Variants in PRUNE2 observed in about 807,000 individuals in gnomAD.
PRUNE2 encodes the protein protein prune homolog 2.
Under a neutral mutation model 252.0 loss-of-function variants are expected in PRUNE2, and 164 were observed. That is an observed-to-expected ratio of 0.65 (90% CI 0.57 to 0.74). PRUNE2 has a LOEUF of 0.74. Ranked by LOEUF, PRUNE2 falls within the 30% of genes least tolerant of loss-of-function variation. The probability of loss-of-function intolerance (pLI) is 0.00; values close to 1 mark genes in which losing one functional copy is unlikely to be tolerated. For synonymous variants in PRUNE2, 1,292 were observed against 1,350.2 expected, an observed-to-expected ratio of 0.96 and a Z score of 0.94; for missense variants, 3,495 against 3,711.0, an observed-to-expected ratio of 0.94 and a Z score of 1.51.
chr9:76,711,141 A>T lies in PRUNE2; in HGVS notation c.1133T>A (p.Leu378His). 1 of 1,613,822 alleles carries T rather than the reference A, an allele frequency of 6.2e-7. No individual in the cohort carries two copies. The highest frequency in any genetic ancestry group is 8.5e-7 in the Non-Finnish European group (1 of 1,179,798). The part of the protein sequence containing the change: ...STEAVAGSAP[L>H]SQGSSGIMEL... ...CATAATCCCAGAAGACCCCTGGGAG[A>T]GGGGGGCACTGCCTGCCACGGCTTC... is the stretch of plus-strand genomic sequence containing the variant. The change falls in exon 8 of 19, where the codon CTC becomes CAC. Residue 378 changes from leucine (L) to histidine (H), a missense_variant. Transcript: ENST00000376718.
intron 1 of PRUNE2, among the ~76,000 whole-genome samples, chr9:76,881,082 T>C (rs1053686878): frequency 7.9e-5 from 12 of 152,108 alleles, no homozygotes; most frequent in Non-Finnish European, 1.6e-4. Flanking sequence ...ATTTTTCTTC[T>C]TCAGCCTCCC....
intron 17 of PRUNE2, among the ~76,000 whole-genome samples, chr9:76,623,299 T>A (rs1833158392): frequency 9.9e-6 from 1 of 100,738 alleles, no homozygotes; most frequent in Non-Finnish European, 2.0e-5. Flanking sequence ...AATGACTGGA[T>A]TTTTTTTTTT....
intron 9 of PRUNE2, among the ~76,000 whole-genome samples, chr9:76,670,191 C>G (rs566088049): frequency 6.6e-6 from 1 of 152,200 alleles, no homozygotes; most frequent in East Asian, 1.9e-4. Context: ...TCAGTGGGTG[C>G]GCGCACCGTG....
chr9:76,879,449 T>C (rs1268039980), intron 1 of PRUNE2, among the ~76,000 whole-genome samples: 4 of 152,172 alleles, frequency 2.6e-5, no homozygotes, highest in East Asian at 1.9e-4. Context: ...CCACAGCAGA[T>C]ATAAAGCAAA....
intron 6 of PRUNE2, among the ~76,000 whole-genome samples, chr9:76,757,202 A>G (rs12006237): frequency 0.012 from 1,862 of 152,320 alleles, 34 homozygotes; most frequent in African/African-American, 0.042. Context: ...GGTTCCACCT[A>G]CAAACAAATG....
At chr9:76,766,567 C>T (rs889580992) in intron 6 of PRUNE2, among the ~76,000 whole-genome samples, 1 of 152,164 alleles carries the variant, frequency 6.6e-6, no homozygotes, top group African/African-American at 2.4e-5. Context: ...AGTGCCTCTC[C>T]CATCCACTTT....
At chr9:76,830,769 A>T (rs1479311608) in intron 4 of PRUNE2, among the ~76,000 whole-genome samples, 1 of 152,140 alleles carries the variant, frequency 6.6e-6, no homozygotes, top group Non-Finnish European at 1.5e-5. Flanking sequence ...AAAATTATGG[A>T]GAGAAAAAAT....
intron 9 of PRUNE2, among the ~76,000 whole-genome samples, chr9:76,700,985 A>G (rs1035539648): frequency 6.6e-6 from 1 of 152,214 alleles, no homozygotes; most frequent in Non-Finnish European, 1.5e-5. Flanking sequence ...TTACACTGCT[A>G]TCTACCTTTT....
intron 6 of PRUNE2, among the ~76,000 whole-genome samples, chr9:76,722,220 T>C (rs2047703890): frequency 7.0e-6 from 1 of 142,322 alleles, no homozygotes. Context: ...CACCACACCC[T>C]GCTATTTTTT....
intron 12 of PRUNE2, among the ~76,000 whole-genome samples, chr9:76,642,362 C>T (rs1842972910): frequency 6.6e-6 from 1 of 152,164 alleles, no homozygotes; most frequent in African/African-American, 2.4e-5. Context: ...ACATTGTGTG[C>T]AATAGCTCAT....
intron 4 of PRUNE2, among the ~76,000 whole-genome samples, chr9:76,843,659 A>G (rs1017201869): frequency 2.8e-4 from 43 of 152,126 alleles, no homozygotes; most frequent in African/African-American, 9.7e-4. Context: ...ATGTTACTAC[A>G]TAACTGGAAA....
At chr9:76,646,846 A>G (rs1845077455) in intron 11 of PRUNE2, among the ~76,000 whole-genome samples, 1 of 152,020 alleles carries the variant, frequency 6.6e-6, no homozygotes, top group Non-Finnish European at 1.5e-5. Context: ...GGGTGAACGT[A>G]GGGTTGTTTT....
chr9:76,853,904 T>C (rs943827819), intron 2 of PRUNE2, among the ~76,000 whole-genome samples, 200 bp downstream of exon 2: 1 of 152,196 alleles, frequency 6.6e-6, no homozygotes, highest in Non-Finnish European at 1.5e-5. Context: ...TGGTAAGAAA[T>C]AGCTAGAACA....
At chr9:76,735,405 T>C (rs193209027) in intron 6 of PRUNE2, among the ~76,000 whole-genome samples, 3 of 143,648 alleles carry the variant, frequency 2.1e-5, no homozygotes, top group African/African-American at 8.0e-5. Flanking sequence ...TTGAGGAAGA[T>C]AGTTTTCTTT....
Position 76,706,992 on chromosome 9 carries a change from T to C in PRUNE2, c.5282A>G (p.Gln1761Arg), listed in dbSNP as rs2046361209. Residue 1761 changes from glutamine (Q) to arginine (R), a missense_variant, in exon 8 of 19, where the codon CAA (glutamine) becomes CGA (arginine). Transcript: ENST00000376718. ...GAAAGTCCAGGGATCAGGGCTGCTTTGTTGATTGTCACAGAATGGGTTTGA... is the reference window on the plus strand; with the variant it reads ...GAAAGTCCAGGGATCAGGGCTGCTTCGTTGATTGTCACAGAATGGGTTTGA... ...NKSNPFCDNQ[Q>R]SSPDPWTFSP... is the part of the protein sequence containing the mutation. The C allele has an allele frequency of 1.9e-6, 3 of 1,614,034 alleles. No homozygotes were observed. The highest frequency in any genetic ancestry group is 2.5e-6 in the Non-Finnish European group (3 of 1,179,886).
At chr9:76,872,753 G>A (rs112625016) in intron 1 of PRUNE2, among the ~76,000 whole-genome samples, 4,315 of 152,156 alleles carry the variant, frequency 0.028, 139 homozygotes, top group African/African-American at 0.073. Flanking sequence ...AAACAAAAGT[G>A]TGTATGTGTG....
In PRUNE2 at chr9:76,854,146, A is replaced by G; in HGVS notation, c.99T>C (p.Asp33=). ...VVIGPKSCDL[D]SLISTFTYAY... ...CATATGTGAAGGTAGAAATGAGAGA[A>G]TCCAAGTCACACGATTTAGGCCCAA... The change falls in exon 2 of 19, where the codon GAT becomes GAC. Residue 33 remains aspartate, a synonymous_variant. Transcript: ENST00000376718. 1 of 1,603,686 alleles carries G rather than the reference A, an allele frequency of 6.2e-7. No individual in the cohort carries two copies. Among genetic ancestry groups the G allele is most frequent in the East Asian group, 2.2e-5 (1 of 44,640 alleles).
At chr9:76,829,416 G>A (rs1039164087) in intron 4 of PRUNE2, among the ~76,000 whole-genome samples, 4 of 152,168 alleles carry the variant, frequency 2.6e-5, no homozygotes, top group Admixed American at 6.5e-5. Context: ...ACCCGGTTTT[G>A]AAACAGGACC....
intron 6 of PRUNE2, among the ~76,000 whole-genome samples, chr9:76,756,283 C>A (rs1222636040): frequency 1.3e-5 from 2 of 152,154 alleles, no homozygotes; most frequent in Non-Finnish European, 2.9e-5. Flanking sequence ...CAGTGACTTA[C>A]CCTAACGTCT....
Sources: allele counts gnomAD v4.1 joint callset (sites outside exome capture counted in the v4.1 genomes callset), GRCh38; gene constraint gnomAD v4.1.1; transcripts MANE v1.5; gene names NCBI Gene and HGNC (gene_info 2026-07-23, HGNC 2026-07-21).